MED13L: variants seen among roughly 807,000 people sequenced by gnomAD.
MED13L encodes the protein mediator of RNA polymerase II transcription subunit 13-like.
Under a neutral mutation model 220.9 loss-of-function variants are expected in MED13L, and 7 were observed. The ratio of observed to expected loss-of-function variants is 0.03; its 90% CI spans 0.02 to 0.06. The LOEUF (loss-of-function observed/expected upper bound fraction) is 0.06. Ranked by LOEUF, MED13L falls within the 10% of genes least tolerant of loss-of-function variation. The pLI is 1.00. For synonymous variants in MED13L, 1,011 were observed against 1,015.2 expected (o/e 1.00, Z 0.08); for missense variants, 1,965 against 2,760.5 (o/e 0.71, Z 6.46).
intron 12 of MED13L, 112 bp from the exon 13 acceptor site, chr12:116,006,105 G>T: frequency 6.8e-7 from 1 of 1,477,972 alleles, no homozygotes; most frequent in South Asian, 1.2e-5. Context: ...TTTTCCCTAT[G>T]GTTTTAGTTA....
intron 1 of MED13L, among the ~76,000 whole-genome samples, chr12:116,244,858 G>C (rs571598012): frequency 6.6e-6 from 1 of 152,162 alleles, no homozygotes; most frequent in East Asian, 1.9e-4. Flanking sequence ...ACGCTAAAGT[G>C]AGCGGGTCTC....
At chr12:116,170,515 T>G (rs1465980286) in intron 2 of MED13L, among the ~76,000 whole-genome samples, 1 of 152,092 alleles carries the variant, frequency 6.6e-6, no homozygotes, top group Non-Finnish European at 1.5e-5. Context: ...AAGTGATTCA[T>G]GTATACCTGC....
At chr12:115,964,046 C>T (rs1480549182) in intron 29 of MED13L, among the ~76,000 whole-genome samples, 1 of 152,010 alleles carries the variant, frequency 6.6e-6, no homozygotes, top group Admixed American at 6.6e-5. Context: ...GTGATTGCAC[C>T]ACTGTGCTCC....
At chr12:116,116,469 C>T (rs1169256737) in intron 2 of MED13L, among the ~76,000 whole-genome samples, 2 of 152,084 alleles carry the variant, frequency 1.3e-5, no homozygotes, top group African/African-American at 4.8e-5. Flanking sequence ...ACATAACCTG[C>T]CCTATGCATC....
intron 4 of MED13L, among the ~76,000 whole-genome samples, chr12:116,049,984 C>T (rs1174879128): frequency 6.6e-6 from 1 of 152,120 alleles, no homozygotes; most frequent in Non-Finnish European, 1.5e-5. Context: ...AGATCTATTC[C>T]TTTGAATGTA....
chr12:116,220,624 G>A (rs554546837), intron 2 of MED13L, among the ~76,000 whole-genome samples: 4 of 152,166 alleles, frequency 2.6e-5, no homozygotes, highest in South Asian at 2.1e-4. Context: ...ACTTGATCCC[G>A]GGAGGCGGAG....
intron 2 of MED13L, among the ~76,000 whole-genome samples, chr12:116,139,256 T>C (rs533039691): frequency 6.6e-6 from 1 of 152,356 alleles, no homozygotes; most frequent in South Asian, 2.1e-4. Context: ...CAGTGTCCTA[T>C]ATGTCACTGT....
chr12:116,057,020 T>G (rs1313187417), intron 4 of MED13L, among the ~76,000 whole-genome samples: 1 of 152,214 alleles, frequency 6.6e-6, no homozygotes, highest in Non-Finnish European at 1.5e-5. Flanking sequence ...TCCTAAATCA[T>G]TCTGGTAAAA....
intron 4 of MED13L, among the ~76,000 whole-genome samples, chr12:116,052,514 T>C (rs1868595164): frequency 6.6e-6 from 1 of 152,200 alleles, no homozygotes; most frequent in African/African-American, 2.4e-5. Context: ...TCATAACCCA[T>C]TGAGAAAAAT....
chr12:116,199,744 G>A (rs1881880503), intron 2 of MED13L, among the ~76,000 whole-genome samples: 1 of 151,320 alleles, frequency 6.6e-6, no homozygotes, highest in Non-Finnish European at 1.5e-5. Flanking sequence ...TTTTGGTCCA[G>A]TATCAAAATC....
chr12:116,091,612 G>T (rs1479697971), intron 4 of MED13L, among the ~76,000 whole-genome samples: 1 of 152,106 alleles, frequency 6.6e-6, no homozygotes, highest in Non-Finnish European at 1.5e-5. Flanking sequence ...TTTGTGTTTT[G>T]CAGCTACTTG....
At position 116,102,334 on chromosome 12, in the gene MED13L, G is replaced by C. The variant is rs547501978; in HGVS notation, c.396-5582C>G. On this transcript the variant is annotated intron_variant, in intron 3 of 30. Transcript: ENST00000281928. ...GCTCGGGAAGCCATTTCCCAGATGAGACAGTTGGGAGGTATAGAAGGCAGC... is the reference window on the plus strand; with the variant it reads ...GCTCGGGAAGCCATTTCCCAGATGACACAGTTGGGAGGTATAGAAGGCAGC... Among the ~76,000 whole-genome samples, 8 of 152,298 alleles carry C rather than the reference G, an allele frequency of 5.3e-5. No homozygotes were observed. The South Asian group carries it at 1.7e-3, about 32-fold the overall frequency.
chr12:116,183,820 ATGTGTGTG>A (rs57716114), intron 2 of MED13L, among the ~76,000 whole-genome samples: 1 of 146,486 alleles, frequency 6.8e-6, no homozygotes, highest in Admixed American at 6.8e-5. Flanking sequence ...GTGTGTGTGT[ATGTGTGTG>A]TGTGTGTGTG....
intron 4 of MED13L, among the ~76,000 whole-genome samples, chr12:116,056,386 T>G (rs1374554567): frequency 1.3e-5 from 2 of 152,010 alleles, no homozygotes; most frequent in African/African-American, 2.4e-5. Flanking sequence ...CAGGTGATTC[T>G]CAGCCTCCTA....
At chr12:116,105,681 A>C (rs1164290373) in intron 3 of MED13L, among the ~76,000 whole-genome samples, 1 of 152,176 alleles carries the variant, frequency 6.6e-6, no homozygotes, top group Non-Finnish European at 1.5e-5. Context: ...AGCTGTCTGG[A>C]AGACAGATTA....
intron 19 of MED13L, among the ~76,000 whole-genome samples, chr12:115,985,581 T>C (rs1307658932): frequency 6.6e-6 from 1 of 152,232 alleles, no homozygotes; most frequent in Admixed American, 6.5e-5. Flanking sequence ...ATGTATCAGA[T>C]ACAAAGAACT....
At chr12:116,032,737 T>C (rs780097096) in intron 4 of MED13L, among the ~76,000 whole-genome samples, 1 of 152,164 alleles carries the variant, frequency 6.6e-6, no homozygotes, top group Admixed American at 6.5e-5. Context: ...TTTTTTCCAA[T>C]AGCACTCATC....
chr12:116,218,199 C>T (rs940567855), intron 2 of MED13L, among the ~76,000 whole-genome samples: 2 of 152,080 alleles, frequency 1.3e-5, no homozygotes, highest in Non-Finnish European at 2.9e-5. Context: ...AAGTTTACTT[C>T]GTATAATACT....
At chr12:116,008,281 G>T in intron 10 of MED13L, 120 bp downstream of exon 10, 2 of 1,362,116 alleles carry the variant, frequency 1.5e-6, no homozygotes, top group Non-Finnish European at 2.0e-6. Context: ...CATATCCGGA[G>T]TCAAGAAGGA....
Sources: allele counts gnomAD v4.1 joint callset (sites outside exome capture counted in the v4.1 genomes callset), GRCh38; gene constraint gnomAD v4.1.1; transcripts MANE v1.5; gene names NCBI Gene and HGNC (gene_info 2026-07-23, HGNC 2026-07-21).